Variants in ADAMTS16 observed in about 807,000 individuals in gnomAD.
ADAMTS16 encodes ADAM metallopeptidase with thrombospondin type 1 motif 16.
In ADAMTS16, 94 loss-of-function variants were observed where a neutral mutation model predicts 145.8. The observed-to-expected ratio is 0.64, with a 90% CI of 0.55 to 0.77. ADAMTS16 has a LOEUF of 0.77. Among genes scored for constraint, ADAMTS16 ranks in the 30% least tolerant of loss-of-function variants. The pLI is 0.00. For synonymous variants in ADAMTS16, 659 were observed against 604.3 expected, an observed-to-expected ratio of 1.09 and a Z score of -1.33; for missense variants, 1,585 against 1,591.5, an observed-to-expected ratio of 1.00 and a Z score of 0.07.
At chr5:5,303,796 T>G in intron 20 of ADAMTS16, 30 bp downstream of exon 20, 1 of 1,605,784 alleles carries the variant, frequency 6.2e-7, no homozygotes, top group Non-Finnish European at 8.5e-7. Context: ...GGGAGCGAGG[T>G]TGACTAGCTC....
chr5:5,157,712 T>C (rs1467556962), intron 3 of ADAMTS16, among the ~76,000 whole-genome samples: 1 of 152,238 alleles, frequency 6.6e-6, no homozygotes, highest in Non-Finnish European at 1.5e-5. Flanking sequence ...TCTTTTATCA[T>C]AATTTAAATC....
At chr5:5,229,930 G>C (rs1403715840) in intron 11 of ADAMTS16, among the ~76,000 whole-genome samples, 1 of 152,136 alleles carries the variant, frequency 6.6e-6, no homozygotes, top group Non-Finnish European at 1.5e-5. Flanking sequence ...AAGCTGATGG[G>C]GACCTTTGCA....
At chr5:5,153,962 G>A (rs1468664044) in intron 3 of ADAMTS16, among the ~76,000 whole-genome samples, 2 of 152,198 alleles carry the variant, frequency 1.3e-5, no homozygotes, top group East Asian at 1.9e-4. Context: ...TCAGGGCCCT[G>A]GTTTGAATTG....
At chr5:5,281,646 G>A (rs1738911389) in intron 18 of ADAMTS16, among the ~76,000 whole-genome samples, 1 of 152,098 alleles carries the variant, frequency 6.6e-6, no homozygotes, top group South Asian at 2.1e-4. Flanking sequence ...TCCCAAACCA[G>A]GCCATAAATT....
At chr5:5,156,218 C>A (rs57153596) in intron 3 of ADAMTS16, among the ~76,000 whole-genome samples, 1,607 of 152,090 alleles carry the variant, frequency 0.011, 40 homozygotes, top group African/African-American at 0.037. Flanking sequence ...AGTTGAGAGG[C>A]GATTTCTTTG....
intron 10 of ADAMTS16, among the ~76,000 whole-genome samples, chr5:5,214,553 C>T (rs533707479): frequency 2.0e-5 from 3 of 152,106 alleles, no homozygotes; most frequent in Non-Finnish European, 4.4e-5. Flanking sequence ...CAGGTGCATG[C>T]CACCATGCCT....
chr5:5,310,026 AG>A lies in ADAMTS16; in HGVS notation c.3411+3299del, dbSNP rs1422243594. On this transcript the variant is annotated intron_variant, in intron 21 of 22. Transcript: ENST00000274181. The surrounding 1 kb of genome is among the most constrained non-coding windows in gnomAD (Gnocchi z 4.3). ...GAAGAATTCCTGAGACTGACCTGCC[AG>A]TGGGGCAAAACCCACCATAGGCCAC... Among the ~76,000 whole-genome samples the A allele has an allele frequency of 1.4e-4, 22 of 152,162 alleles. No homozygotes were observed. The highest frequency in any genetic ancestry group is 2.9e-4 in the Non-Finnish European group (20 of 68,026).
At chr5:5,275,742 T>C (rs1482970035) in intron 18 of ADAMTS16, among the ~76,000 whole-genome samples, 6 of 152,230 alleles carry the variant, frequency 3.9e-5, no homozygotes, top group African/African-American at 1.4e-4. Context: ...TTTATTATTA[T>C]TTTTTGACTC....
At chr5:5,246,503 A>T (rs1249358446) in intron 17 of ADAMTS16, among the ~76,000 whole-genome samples, 2 of 152,240 alleles carry the variant, frequency 1.3e-5, no homozygotes, top group Non-Finnish European at 2.9e-5. Context: ...CTTTGCTGAT[A>T]TCAAACCATC....
chr5:5,245,545 G>C (rs1737416874), intron 17 of ADAMTS16, among the ~76,000 whole-genome samples: 1 of 152,086 alleles, frequency 6.6e-6, no homozygotes, highest in South Asian at 2.1e-4. Context: ...CTGATGTTCT[G>C]AATTTGAAAC....
Position 5,259,129 on chromosome 5 carries a change from T to A in ADAMTS16, c.2663-3528T>A, listed in dbSNP as rs148590632. On this transcript the variant is annotated intron_variant, in intron 17 of 22. Coordinates refer to ENST00000274181, the MANE Select transcript of ADAMTS16 (RefSeq NM_139056.4). The stretch of plus-strand genomic sequence containing the variant: ...ATCTCAGGGACACTGACAGCGATAA[T>A]TTTCTGGGACATCACTTCCTTTCAC... 2.2e-3 allele frequency among the ~76,000 whole-genome samples: 331 copies of A among 152,226 alleles called. 1 individual carries two copies. Among genetic ancestry groups the A allele is most frequent in the African/African-American group, 7.4e-3 (308 of 41,534 alleles).
At chr5:5,215,581 CA>C (rs1736399731) in intron 10 of ADAMTS16, among the ~76,000 whole-genome samples, 1 of 151,546 alleles carries the variant, frequency 6.6e-6, no homozygotes, top group African/African-American at 2.4e-5. Flanking sequence ...TGAGAACATA[CA>C]ATATTTGATT....
chr5:5,142,371 C>G (rs1486991547), intron 2 of ADAMTS16: 1 of 152,256 alleles, frequency 6.6e-6, no homozygotes, highest in Non-Finnish European at 1.5e-5. Context: ...TTGGTAAGAA[C>G]CTGAAGGGGA....
intron 3 of ADAMTS16, among the ~76,000 whole-genome samples, chr5:5,169,804 C>CG (rs1560932552): frequency 6.6e-6 from 1 of 152,110 alleles, no homozygotes; most frequent in African/African-American, 2.4e-5. Flanking sequence ...CATGTGCCCT[C>CG]GGGTTCTTGT....
Position 5,270,885 on chromosome 5 carries a change from C to T in ADAMTS16, c.2789+8102C>T, listed in dbSNP as rs367805306. Among the ~76,000 whole-genome samples, 341 of 152,274 alleles carry T rather than the reference C, an allele frequency of 2.2e-3. 5 individuals carry two copies. The highest frequency in any genetic ancestry group is 0.01 in the South Asian group (49 of 4,832). ...CCTGGCCTCTAGGCTGCAGGTACTC[C>T]GAGCTCTGTCCTCAGCAGCCTGGCA... On this transcript the variant is annotated intron_variant, in intron 18 of 22. Coordinates refer to ENST00000274181, the MANE Select transcript of ADAMTS16 (RefSeq NM_139056.4).
chr5:5,232,613 T>A (rs566398075), intron 12 of ADAMTS16, 97 bp downstream of exon 12: 4 of 1,489,726 alleles, frequency 2.7e-6, no homozygotes, highest in Non-Finnish European at 3.6e-6. Flanking sequence ...TTTTTTTTTT[T>A]TTTTTTTTGA....
rs270199 is a variant in ADAMTS16 at position 5,141,461 on chromosome 5, T to A, written c.175+695T>A. 3.9e-5 allele frequency among the ~76,000 whole-genome samples: 6 copies of A among 152,022 alleles called. 1 individual carries two copies. The highest frequency in any genetic ancestry group is 7.2e-5 in the African/African-American group (3 of 41,396). On this transcript the variant is annotated intron_variant, in intron 2 of 22. Coordinates refer to ENST00000274181, the MANE Select transcript of ADAMTS16 (RefSeq NM_139056.4). ...TTGCTGTCTTATGGAAAGGGATCTC[T>A]GTGTCTTCATACTGCATCAGGTAAA...
intron 20 of ADAMTS16, among the ~76,000 whole-genome samples, chr5:5,304,765 G>C (rs115183583): frequency 0.02 from 3,001 of 152,092 alleles, 99 homozygotes; most frequent in African/African-American, 0.069. Flanking sequence ...TGCACTTCAG[G>C]TCCTCTTTCA....
At chr5:5,192,284 T>C (rs1301874587) in intron 8 of ADAMTS16, among the ~76,000 whole-genome samples, 1 of 152,164 alleles carries the variant, frequency 6.6e-6, no homozygotes, top group Non-Finnish European at 1.5e-5. Flanking sequence ...GTGCCTAAGA[T>C]TGAGGATAGC....
Sources: gnomAD v4.1 joint callset for allele counts (sites outside exome capture counted in the v4.1 genomes callset) on GRCh38, gnomAD v4.1.1 for gene constraint, Gnocchi (gnomAD v3.1) non-coding constraint, MANE v1.5 for transcripts, NCBI Gene and HGNC (gene_info 2026-07-23, HGNC 2026-07-21) for gene names.